Variants in THADA observed in about 807,000 individuals in gnomAD.
The protein encoded by THADA is THADA armadillo repeat containing.
THADA carries 213 observed loss-of-function variants against 219.8 expected under a neutral mutation model. The ratio of observed to expected loss-of-function variants is 0.97; its 90% CI spans 0.87 to 1.09. THADA has a LOEUF of 1.09. THADA is among the 50% of genes least tolerant of loss of function. THADA has a pLI of 0.00. For missense variants in THADA, 2,956 were observed against 2,311.3 expected (o/e 1.28, Z -5.72); for synonymous variants, 1,018 against 828.9 (o/e 1.23, Z -3.92).
intron 22 of THADA, among the ~76,000 whole-genome samples, chr2:43,510,645 GTTCC>G (rs1208725755): frequency 7.4e-6 from 1 of 134,914 alleles, no homozygotes; most frequent in East Asian, 2.1e-4. Flanking sequence ...GCCTTCTTTT[GTTCC>G]TTCTTCACTG....
intron 36 of THADA, among the ~76,000 whole-genome samples, chr2:43,273,786 C>T (rs1472074716): frequency 2.0e-5 from 3 of 152,144 alleles, no homozygotes; most frequent in Admixed American, 1.3e-4. Flanking sequence ...TTCTATCTCT[C>T]TCCTCCCAGG....
At chr2:43,250,003 C>T (rs1229359988) in intron 36 of THADA, among the ~76,000 whole-genome samples, 1 of 152,184 alleles carries the variant, frequency 6.6e-6, no homozygotes, top group Non-Finnish European at 1.5e-5. Flanking sequence ...CCTCCAGTTC[C>T]TCAATAAGTC....
chr2:43,566,986 C>T (rs1017379506), intron 14 of THADA, among the ~76,000 whole-genome samples, 165 bp from the exon 15 acceptor site: 1 of 152,060 alleles, frequency 6.6e-6, no homozygotes, highest in African/African-American at 2.4e-5. Flanking sequence ...TTCAGGTTAG[C>T]ACCCTTGACC....
intron 28 of THADA, among the ~76,000 whole-genome samples, chr2:43,420,860 T>C (rs1030385696): frequency 5.9e-5 from 9 of 152,202 alleles, no homozygotes; most frequent in Non-Finnish European, 1.5e-5. Flanking sequence ...GAACCTCAGC[T>C]ACCCTGGGTA....
chr2:43,380,629 A>G (rs1671896922), intron 29 of THADA, among the ~76,000 whole-genome samples: 1 of 152,210 alleles, frequency 6.6e-6, no homozygotes, highest in South Asian at 2.1e-4. Context: ...AGCTCTGTCC[A>G]TTGAGAGGGC....
At chr2:43,524,917 T>C (rs1692968102) in intron 22 of THADA, among the ~76,000 whole-genome samples, 1 of 152,218 alleles carries the variant, frequency 6.6e-6, no homozygotes, top group Non-Finnish European at 1.5e-5. Context: ...CCTCTGTCCT[T>C]AGACCTCTGT....
rs1348830644 is a variant in THADA at position 43,574,370 on chromosome 2, T to C, written c.1695A>G (p.Val565=). The change falls in exon 11 of 38, where the codon GTA becomes GTG. Residue 565 remains valine, a synonymous_variant. Transcript: ENST00000405975. ...CATCAATAGAAGTCTGAAGAATCTT[T>C]ACCATGTACTGTAAGCTTTCAGGGC... ...SYSPESLQYM[V]KILQTSIDAK... is the part of the protein sequence containing the mutation. 3 of 1,590,934 alleles carry C rather than the reference T, an allele frequency of 1.9e-6. No homozygotes were observed. The highest frequency in any genetic ancestry group is 2.6e-6 in the Non-Finnish European group (3 of 1,170,920).
At position 43,381,717 on chromosome 2, in the gene THADA, T is replaced by G. The variant is rs183975519; in HGVS notation, c.4227+16254A>C. On this transcript the variant is annotated intron_variant, in intron 29 of 37. Transcript: ENST00000405975. Reference sequence around the variant, plus strand: ...TGTCAGCCTCCTGAGTGGCTGAGATTACAGGTGTGTGCCACCACGCCCAGC... The same window carrying G: ...TGTCAGCCTCCTGAGTGGCTGAGATGACAGGTGTGTGCCACCACGCCCAGC... Among the ~76,000 whole-genome samples, 252 of 152,164 alleles carry G rather than the reference T, an allele frequency of 1.7e-3. 1 individual carries two copies. Among genetic ancestry groups the G allele is most frequent in the African/African-American group, 6.0e-3 (247 of 41,498 alleles).
intron 22 of THADA, among the ~76,000 whole-genome samples, chr2:43,511,353 C>A (rs1690419589): frequency 6.6e-6 from 1 of 152,184 alleles, no homozygotes. Flanking sequence ...CTGGGCCTCC[C>A]TGAGTGAGCC....
intron 29 of THADA, among the ~76,000 whole-genome samples, chr2:43,389,310 T>A (rs1023304830): frequency 6.6e-6 from 1 of 152,208 alleles, no homozygotes; most frequent in African/African-American, 2.4e-5. Context: ...ATTAATACAT[T>A]ATGTACATTA....
intron 1 of THADA, chr2:43,592,811 A>G (rs1701714595): frequency 6.5e-6 from 1 of 154,782 alleles, no homozygotes; most frequent in South Asian, 2.1e-4. Context: ...AAACTGGGAT[A>G]GTTTTTCCAA....
At chr2:43,244,688 T>C (rs1348135154) in intron 36 of THADA, among the ~76,000 whole-genome samples, 15 of 152,228 alleles carry the variant, frequency 9.9e-5, no homozygotes, top group Admixed American at 9.8e-4. Context: ...GACGATTCCT[T>C]TGGGGCCTGA....
At position 43,592,000 on chromosome 2, in the gene THADA, A is replaced by G. The variant is rs17031095; in HGVS notation, c.123T>C (p.His41=). The G allele has an allele frequency of 0.13, 196,283 of 1,561,834 alleles. 13,350 individuals carry two copies. The highest frequency in any genetic ancestry group is 0.2 in the African/African-American group (14,970 of 73,928). ...ACACTCCATCCGTGAGTTGCACACA[A>G]TGTAACAGCAAAGAAGCTAGATTTT... ...EGKNLASLLL[H]CVQLTDGVSQ... Residue 41 remains histidine, a synonymous_variant, in exon 3 of 38, where the codon CAT becomes CAC. Coordinates refer to ENST00000405975, the MANE Select transcript of THADA (RefSeq NM_022065.5).
chr2:43,411,886 G>A (rs770074858), intron 28 of THADA, among the ~76,000 whole-genome samples: 10 of 152,070 alleles, frequency 6.6e-5, no homozygotes, highest in Non-Finnish European at 1.2e-4. Context: ...GTCTTTCCCT[G>A]GATTGTGACC....
In THADA at chr2:43,279,882, G is replaced by C. The variant is rs768871800; in HGVS notation, c.5179C>G (p.Leu1727Val). ...PHPILELQDT[L>V]ALWKCVLTLL... The stretch of plus-strand genomic sequence containing the variant: ...GTAAGGACACACTTCCAGAGAGCAA[G>C]TGTATCCTGCAACTCTAAGAAGACC... The change falls in exon 36 of 38, where the codon CTT becomes GTT. Residue 1727 changes from leucine (L) to valine (V), a missense_variant. By Grantham distance (32) the Leu-to-Val change is conservative. Transcript: ENST00000405975. 5 of 1,544,642 alleles carry C rather than the reference G, an allele frequency of 3.2e-6. No individual in the cohort carries two copies. The highest frequency in any genetic ancestry group is 4.3e-6 in the Non-Finnish European group (5 of 1,150,634).
intron 11 of THADA, among the ~76,000 whole-genome samples, chr2:43,574,131 A>G (rs1244469549): frequency 2.0e-5 from 3 of 152,222 alleles, no homozygotes; most frequent in South Asian, 2.1e-4. Flanking sequence ...ATTATTCTTT[A>G]GCTTGTAGAA....
At position 43,546,378 on chromosome 2, in the gene THADA, T is replaced by C. The variant is rs564687814; in HGVS notation, c.3106+2832A>G. Reference sequence around the variant, plus strand: ...TGGGGTGGAGAGTTCTGTAGATGTCTATTAGGTCCGCTTGGTGCAGAACTG... The same window carrying C: ...TGGGGTGGAGAGTTCTGTAGATGTCCATTAGGTCCGCTTGGTGCAGAACTG... On this transcript the variant is annotated intron_variant, in intron 20 of 37. Transcript: ENST00000405975. 3.9e-5 allele frequency among the ~76,000 whole-genome samples: 6 copies of C among 152,212 alleles called. No individual in the cohort carries two copies. In the East Asian group the frequency reaches 5.8e-4, roughly 15 times the overall value.
At position 43,288,537 on chromosome 2, in the gene THADA, G is replaced by C. The variant is rs113106661; in HGVS notation, c.5011-1476C>G. 8.4e-4 allele frequency among the ~76,000 whole-genome samples: 128 copies of C among 152,336 alleles called. No individual in the cohort carries two copies. In the Middle Eastern group the frequency reaches 0.01, roughly 12 times the overall value. On this transcript the variant is annotated intron_variant, in intron 34 of 37. Transcript: ENST00000405975. ...AGATGAGAATCTAGATGAAGAGACA[G>C]ATGAAAAGACAGATACACAGGGAGA... is the stretch of plus-strand genomic sequence containing the variant.
intron 20 of THADA, among the ~76,000 whole-genome samples, chr2:43,544,333 G>C (rs1036017523): frequency 1.1e-4 from 17 of 152,134 alleles, no homozygotes; most frequent in Non-Finnish European, 1.8e-4. Flanking sequence ...TGTTCTTTTG[G>C]CTTAGGATTG....
Sources: gnomAD v4.1 joint callset for allele counts (sites outside exome capture counted in the v4.1 genomes callset) on GRCh38, gnomAD v4.1.1 for gene constraint, MANE v1.5 for transcripts, NCBI Gene and HGNC (gene_info 2026-07-23, HGNC 2026-07-21) for gene names.